The following KCNJ6 variants were observed in gnomAD, a reference collection of about 807,000 sequenced individuals.
KCNJ6 encodes the protein G protein-activated inward rectifier potassium channel 2.
KCNJ6 carries 9 observed loss-of-function variants against 34.2 expected under a neutral mutation model. The ratio of observed to expected loss-of-function variants is 0.26; its 90% CI spans 0.16 to 0.46. The LOEUF (loss-of-function observed/expected upper bound fraction) is 0.46. Among genes scored for constraint, KCNJ6 ranks in the 20% least tolerant of loss-of-function variants. The pLI, the probability that KCNJ6 is intolerant of heterozygous loss-of-function variation, is 1.00. For synonymous variants in KCNJ6, 196 were observed against 207.1 expected (o/e 0.95, Z 0.46); for missense variants, 236 against 531.3 (o/e 0.44, Z 5.46).
chr21:37,716,410 C>T (rs1024560662), intron 2 of KCNJ6, among the ~76,000 whole-genome samples: 17 of 145,744 alleles, frequency 1.2e-4, no homozygotes, highest in Non-Finnish European at 1.8e-4. Flanking sequence ...GATAGGGTCT[C>T]GCTCTGCCAC....
intron 3 of KCNJ6, among the ~76,000 whole-genome samples, chr21:37,701,504 C>T (rs2054690982): frequency 6.6e-6 from 1 of 152,166 alleles, no homozygotes; most frequent in African/African-American, 2.4e-5. Context: ...TTTATTCCTC[C>T]TTTCATTCTC....
chr21:37,742,068 G>C (rs1461347754), intron 2 of KCNJ6, among the ~76,000 whole-genome samples: 2 of 152,224 alleles, frequency 1.3e-5, no homozygotes, highest in African/African-American at 4.8e-5. Flanking sequence ...TGTCATCATG[G>C]GGAAGCTGCA....
chr21:37,637,371 A>G (rs1196921326), intron 3 of KCNJ6, among the ~76,000 whole-genome samples: 1 of 152,270 alleles, frequency 6.6e-6, no homozygotes, highest in Non-Finnish European at 1.5e-5. Context: ...ACCTCCAGTT[A>G]TGCAAAAACA....
chr21:37,899,726 C>T (rs2055807381), intron 1 of KCNJ6, among the ~76,000 whole-genome samples: 1 of 152,192 alleles, frequency 6.6e-6, no homozygotes, highest in Non-Finnish European at 1.5e-5. Context: ...CTACCTGGTA[C>T]AACCTAACCT....
intron 2 of KCNJ6, among the ~76,000 whole-genome samples, chr21:37,740,392 T>C (rs746469492): frequency 6.6e-6 from 1 of 152,170 alleles, no homozygotes; most frequent in Non-Finnish European, 1.5e-5. Flanking sequence ...TCTCCACATC[T>C]CTTATCGCAA....
At chr21:37,826,168 A>G (rs2055398155) in intron 2 of KCNJ6, among the ~76,000 whole-genome samples, 1 of 152,026 alleles carries the variant, frequency 6.6e-6, no homozygotes, top group African/African-American at 2.4e-5. Flanking sequence ...TTTTAGCTTT[A>G]GTGTTGAGGT....
chr21:37,691,058 G>A (rs1375201259), intron 3 of KCNJ6, among the ~76,000 whole-genome samples: 2 of 152,206 alleles, frequency 1.3e-5, no homozygotes, highest in Non-Finnish European at 2.9e-5. Context: ...TGGGATTACA[G>A]GCATGAGCCA....
At chr21:37,752,083 G>C (rs1373044804) in intron 2 of KCNJ6, among the ~76,000 whole-genome samples, 1 of 152,178 alleles carries the variant, frequency 6.6e-6, no homozygotes, top group African/African-American at 2.4e-5. Context: ...GATGACTACT[G>C]ATAGCTATGT....
intron 2 of KCNJ6, among the ~76,000 whole-genome samples, chr21:37,721,804 G>C (rs1543754): frequency 0.51 from 78,268 of 152,002 alleles, 20,342 homozygotes; most frequent in African/African-American, 0.54. Context: ...GGGAGGGTAT[G>C]GGCAACATTA....
intron 3 of KCNJ6, among the ~76,000 whole-genome samples, chr21:37,694,224 G>A (rs1309976383): frequency 1.3e-5 from 2 of 152,164 alleles, no homozygotes; most frequent in East Asian, 1.9e-4. Flanking sequence ...TGGAGGTGAC[G>A]ATTGGACCCA....
At position 37,714,800 on chromosome 21, in the gene KCNJ6, T is replaced by C. The variant is rs1343987011; in HGVS notation, c.357A>G (p.Gly119=). The C allele has an allele frequency of 1.9e-6, 3 of 1,614,118 alleles. No individual in the cohort carries two copies. The highest frequency in any genetic ancestry group is 2.2e-5 in the East Asian group (1 of 44,874). ...AGGGGTCCTCTATGTGGTCCATGTC[T>C]CCCCGTATGTATGCGATCAACCACC... The part of the protein sequence containing the change: ...MIWWLIAYIR[G]DMDHIEDPSW... The change falls in exon 3 of 4, where the codon GGA becomes GGG. Residue 119 remains glycine, a synonymous_variant. Transcript: ENST00000609713. This position sits in a 1 kb window ranked among gnomAD's most constrained non-coding sequence, Gnocchi z 5.9.
chr21:37,749,867 T>C (rs950448394), intron 2 of KCNJ6, among the ~76,000 whole-genome samples: 5 of 152,118 alleles, frequency 3.3e-5, no homozygotes, highest in Non-Finnish European at 7.4e-5. Flanking sequence ...AAGACATTCG[T>C]CAAAGGGCAG....
At chr21:37,888,390 G>A (rs1465483372) in intron 1 of KCNJ6, among the ~76,000 whole-genome samples, 2 of 152,168 alleles carry the variant, frequency 1.3e-5, no homozygotes, top group Non-Finnish European at 2.9e-5. Context: ...TCTTAGCTTT[G>A]ACACCCCAGA....
At chr21:37,847,229 A>G (rs973932436) in intron 1 of KCNJ6, among the ~76,000 whole-genome samples, 1 of 152,210 alleles carries the variant, frequency 6.6e-6, no homozygotes, top group Non-Finnish European at 1.5e-5. Flanking sequence ...GCATTAGTAC[A>G]TTAGACTATC....
chr21:37,650,687 A>G (rs550314553), intron 3 of KCNJ6, among the ~76,000 whole-genome samples: 1 of 152,290 alleles, frequency 6.6e-6, no homozygotes, highest in South Asian at 2.1e-4. Flanking sequence ...CACTCTGCTT[A>G]TTGCTTTTCA....
chr21:37,739,715 C>T (rs767746347), intron 2 of KCNJ6, among the ~76,000 whole-genome samples: 2 of 152,012 alleles, frequency 1.3e-5, no homozygotes, highest in African/African-American at 2.4e-5. Context: ...ATTGGAGAAG[C>T]TTGACATTGA....
intron 1 of KCNJ6, among the ~76,000 whole-genome samples, chr21:37,861,938 C>T (rs1386372929): frequency 1.3e-5 from 2 of 152,196 alleles, no homozygotes; most frequent in Non-Finnish European, 2.9e-5. Flanking sequence ...GTACCCTGAG[C>T]TTCCAGTAGT....
At chr21:37,841,757 T>G (rs1353871686) in intron 1 of KCNJ6, among the ~76,000 whole-genome samples, 4 of 152,244 alleles carry the variant, frequency 2.6e-5, no homozygotes, top group Non-Finnish European at 5.9e-5. Flanking sequence ...GTCATCATTT[T>G]TTAATGACTG....
intron 3 of KCNJ6, among the ~76,000 whole-genome samples, chr21:37,692,351 C>G (rs1435032635): frequency 2.0e-5 from 3 of 151,910 alleles, no homozygotes; most frequent in African/African-American, 7.3e-5. Context: ...AGAATAATTT[C>G]CAAGGAGCAG....
Sources: gnomAD v4.1 joint callset for allele counts (sites outside exome capture counted in the v4.1 genomes callset) on GRCh38, gnomAD v4.1.1 for gene constraint, Gnocchi (gnomAD v3.1) non-coding constraint, MANE v1.5 for transcripts, NCBI Gene and HGNC (gene_info 2026-07-23, HGNC 2026-07-21) for gene names.